ASH1L: variants seen among roughly 807,000 people sequenced by gnomAD.
The protein encoded by ASH1L is ASH1 like histone lysine methyltransferase, also known as histone-lysine N-methyltransferase ASH1L.
Under a neutral mutation model 269.0 loss-of-function variants are expected in ASH1L, and 23 were observed. That is an observed-to-expected ratio of 0.09 (90% CI 0.06 to 0.12). The LOEUF (loss-of-function observed/expected upper bound fraction) is 0.12, where lower values mean the gene tolerates loss of function less well. ASH1L is among the 10% of genes least tolerant of loss of function. ASH1L has a pLI of 1.00. For synonymous variants in ASH1L, 1,187 were observed against 1,253.5 expected (o/e 0.95, Z 1.12); for missense variants, 2,912 against 3,567.8 (o/e 0.82, Z 4.68).
chr1:155,414,959 T>C (rs1660086518), intron 6 of ASH1L, among the ~76,000 whole-genome samples: 1 of 152,200 alleles, frequency 6.6e-6, no homozygotes. Flanking sequence ...AAGGCAAATA[T>C]TTTATTCATC....
At position 155,349,380 on chromosome 1, in the gene ASH1L, T is replaced by A; in HGVS notation, c.7501A>T (p.Lys2501Ter). 1 of 1,614,058 alleles carries A rather than the reference T, an allele frequency of 6.2e-7. No homozygotes were observed. Among genetic ancestry groups the A allele is most frequent in the Non-Finnish European group, 8.5e-7 (1 of 1,179,934 alleles). The part of the protein sequence containing the change: ...IEKQILTGYY[K>*]TVEAFDADML... ...TCAGCATCAAAAGCTTCCACTGTCT[T>A]ATAGTAACCAGTGAGGATCTGCTTC... is the stretch of plus-strand genomic sequence containing the variant. The change falls in exon 19 of 28, where the codon AAG becomes TAG. Residue 2501 changes from lysine (K) to a stop codon, truncating the protein, a stop_gained. Transcript: ENST00000392403. LOFTEE classifies it high-confidence loss of function.
chr1:155,446,608 T>C (rs1663049546), intron 4 of ASH1L, among the ~76,000 whole-genome samples: 1 of 150,102 alleles, frequency 6.7e-6, no homozygotes, highest in South Asian at 2.1e-4. Context: ...TACATTTCAG[T>C]TTCTTTTTTT....
intron 4 of ASH1L, among the ~76,000 whole-genome samples, chr1:155,459,253 T>C (rs1451541840): frequency 6.6e-6 from 1 of 152,094 alleles, no homozygotes; most frequent in African/African-American, 2.4e-5. Context: ...TGGAAAGCAG[T>C]GGAGTGATCT....
intron 2 of ASH1L, among the ~76,000 whole-genome samples, chr1:155,504,582 G>A (rs112164708): frequency 6.6e-6 from 1 of 152,080 alleles, no homozygotes; most frequent in Admixed American, 6.6e-5. Flanking sequence ...GGCTGGGCGC[G>A]GTGGCTCAGG....
chr1:155,457,189 A>G (rs943917070), intron 4 of ASH1L, among the ~76,000 whole-genome samples: 1 of 152,192 alleles, frequency 6.6e-6, no homozygotes, highest in South Asian at 2.1e-4. Flanking sequence ...TAACACTCCA[A>G]GACCTATCCT....
At chr1:155,543,309 G>C (rs903248293) in intron 1 of ASH1L, among the ~76,000 whole-genome samples, 1 of 150,112 alleles carries the variant, frequency 6.7e-6, no homozygotes, top group African/African-American at 2.5e-5. Context: ...TCAGGAGTTC[G>C]ACACCAGCCT....
At chr1:155,402,359 C>T (rs1000098786) in intron 6 of ASH1L, among the ~76,000 whole-genome samples, 1 of 152,032 alleles carries the variant, frequency 6.6e-6, no homozygotes, top group African/African-American at 2.4e-5. Context: ...GACCATTTTA[C>T]TGCACAACTT....
At chr1:155,538,532 T>A (rs1670210123) in intron 1 of ASH1L, among the ~76,000 whole-genome samples, 1 of 151,662 alleles carries the variant, frequency 6.6e-6, no homozygotes, top group Non-Finnish European at 1.5e-5. Context: ...TAATTTTTTA[T>A]ATTTTCAGTA....
intron 13 of ASH1L, among the ~76,000 whole-genome samples, chr1:155,359,699 C>A (rs965822194): frequency 2.6e-5 from 4 of 152,128 alleles, no homozygotes; most frequent in African/African-American, 9.7e-5. Context: ...CCTCAGCCTC[C>A]CAAGTAGCTG....
chr1:155,459,352 T>A (rs938513116), intron 4 of ASH1L, among the ~76,000 whole-genome samples: 1 of 152,130 alleles, frequency 6.6e-6, no homozygotes, highest in Non-Finnish European at 1.5e-5. Context: ...CACGCCACCA[T>A]GCCTGGCTAG....
At chr1:155,537,903 T>C (rs1670163094) in intron 1 of ASH1L, among the ~76,000 whole-genome samples, 1 of 152,158 alleles carries the variant, frequency 6.6e-6, no homozygotes, top group African/African-American at 2.4e-5. Context: ...CACTCCTGAG[T>C]CTTATCTGCT....
chr1:155,341,471 T>C (rs1652813599), intron 25 of ASH1L, among the ~76,000 whole-genome samples: 1 of 152,182 alleles, frequency 6.6e-6, no homozygotes, highest in Non-Finnish European at 1.5e-5. Flanking sequence ...CCACCGCGCC[T>C]GGCTCACAAA....
At chr1:155,361,518 C>CAAAAAAAAAAA (rs1161207568) in intron 12 of ASH1L, among the ~76,000 whole-genome samples, 4 of 36,400 alleles carry the variant, frequency 1.1e-4, no homozygotes, top group African/African-American at 5.2e-4. Flanking sequence ...CTCCATCTCA[C>CAAAAAAAAAAA]AAAAAAAAAA....
chr1:155,547,395 C>T (rs1405014276), intron 1 of ASH1L, among the ~76,000 whole-genome samples: 2 of 151,784 alleles, frequency 1.3e-5, no homozygotes, highest in Non-Finnish European at 2.9e-5. Flanking sequence ...CAATGATAGA[C>T]TGGATAAAGA....
intron 3 of ASH1L, among the ~76,000 whole-genome samples, chr1:155,462,031 C>T (rs1664342234): frequency 6.6e-6 from 1 of 152,060 alleles, no homozygotes; most frequent in South Asian, 2.1e-4. Flanking sequence ...AACTCCTTAC[C>T]TCAAGTGATC....
intron 3 of ASH1L, among the ~76,000 whole-genome samples, chr1:155,469,085 C>T (rs2148697031): frequency 6.6e-6 from 1 of 152,290 alleles, no homozygotes; most frequent in South Asian, 2.1e-4. Flanking sequence ...ATACAAATGG[C>T]TCTCAGACAC....
intron 15 of ASH1L, among the ~76,000 whole-genome samples, chr1:155,355,802 CACTT>C (rs1196723333): frequency 1.3e-5 from 2 of 151,998 alleles, no homozygotes; most frequent in African/African-American, 2.4e-5. Flanking sequence ...AGGACATACT[CACTT>C]GTTTGCTTCT....
intron 2 of ASH1L, among the ~76,000 whole-genome samples, chr1:155,515,772 G>C (rs1668459177): frequency 6.7e-6 from 1 of 148,152 alleles, no homozygotes; most frequent in Admixed American, 6.8e-5. Flanking sequence ...AGGCTGCAGT[G>C]AGCCGAGATC....
At chr1:155,349,302 T>C (rs1396734047) in intron 19 of ASH1L, 25 bp downstream of exon 19, 1 of 1,596,196 alleles carries the variant, frequency 6.3e-7, no homozygotes, top group Non-Finnish European at 8.6e-7. Flanking sequence ...ACTTGTGAAA[T>C]CTGTTTGAAG....
Sources: gnomAD v4.1 joint callset for allele counts (sites outside exome capture counted in the v4.1 genomes callset) on GRCh38, gnomAD v4.1.1 for gene constraint, MANE v1.5 for transcripts, NCBI Gene and HGNC (gene_info 2026-07-23, HGNC 2026-07-21) for gene names.